Variants in TMEM117 observed in about 807,000 individuals in gnomAD.
The protein encoded by TMEM117 is transmembrane protein 117.
In TMEM117, 27 loss-of-function variants were observed where a neutral mutation model predicts 52.4. The observed-to-expected ratio is 0.51, with a 90% confidence interval of 0.38 to 0.71. The LOEUF (loss-of-function observed/expected upper bound fraction) is 0.71. Ranked by LOEUF, TMEM117 falls within the 30% of genes least tolerant of loss-of-function variation. The probability of loss-of-function intolerance (pLI) is 0.00; values close to 1 mark genes in which losing one functional copy is unlikely to be tolerated. For missense variants in TMEM117, 556 were observed against 630.5 expected, an observed-to-expected ratio of 0.88 and a Z score of 1.26; for synonymous variants, 215 against 206.3, an observed-to-expected ratio of 1.04 and a Z score of -0.36.
intron 3 of TMEM117, among the ~76,000 whole-genome samples, chr12:44,128,480 G>A (rs1247142822): frequency 6.6e-6 from 1 of 152,208 alleles, no homozygotes; most frequent in Non-Finnish European, 1.5e-5. Context: ...ACCTAGCACA[G>A]TTCCTGGCAT....
At chr12:44,296,398 A>T (rs1361340957) in intron 5 of TMEM117, among the ~76,000 whole-genome samples, 2 of 152,176 alleles carry the variant, frequency 1.3e-5, no homozygotes, top group African/African-American at 2.4e-5. Flanking sequence ...CCAGGGTCAC[A>T]GACAAATGTA....
At chr12:43,940,394 G>A (rs1945025081) in intron 2 of TMEM117, among the ~76,000 whole-genome samples, 1 of 152,172 alleles carries the variant, frequency 6.6e-6, no homozygotes, top group South Asian at 2.1e-4. Context: ...AAGTCTAGCA[G>A]TGAGGTAGAA....
At chr12:44,374,846 C>T (rs1432958889) in intron 6 of TMEM117, among the ~76,000 whole-genome samples, 1 of 152,098 alleles carries the variant, frequency 6.6e-6, no homozygotes, top group Non-Finnish European at 1.5e-5. Flanking sequence ...ACCAAGAAAT[C>T]TTCTCCTCCT....
chr12:44,125,009 G>A (rs889537171), intron 3 of TMEM117, among the ~76,000 whole-genome samples: 1 of 152,156 alleles, frequency 6.6e-6, no homozygotes, highest in African/African-American at 2.4e-5. Context: ...TGTACCTCTG[G>A]TAGAATTCAG....
At chr12:44,117,488 C>T (rs919200376) in intron 3 of TMEM117, among the ~76,000 whole-genome samples, 1 of 152,078 alleles carries the variant, frequency 6.6e-6, no homozygotes, top group Non-Finnish European at 1.5e-5. Context: ...CCAGAGTCTT[C>T]CCATTCTGTC....
rs59507806 is a variant in TMEM117, at chr12:44,289,225, T to TTGTGTG, written c.609-10319_609-10314dup. Among the ~76,000 whole-genome samples, 519 of 146,086 alleles carry TTGTGTG rather than the reference T, an allele frequency of 3.6e-3. 3 individuals carry two copies. The highest frequency in any genetic ancestry group is 6.3e-3 in the East Asian group (31 of 4,892). On this transcript the variant is annotated intron_variant, in intron 5 of 7. Transcript: ENST00000266534. ...TTTTAAGGCTGAATACTATCCCATT[T>TTGTGTG]TGTGTGTGTGTGTGTGTGTGTGTGT...
chr12:44,370,802 A>G (rs1371539611), intron 6 of TMEM117, among the ~76,000 whole-genome samples: 1 of 151,834 alleles, frequency 6.6e-6, no homozygotes, highest in African/African-American at 2.4e-5. Context: ...ACAGGTGGGG[A>G]TTGTTATATA....
At chr12:44,023,708 G>A (rs1324082754) in intron 3 of TMEM117, among the ~76,000 whole-genome samples, 1 of 149,706 alleles carries the variant, frequency 6.7e-6, no homozygotes, top group Non-Finnish European at 1.5e-5. Context: ...TGAGTTCATT[G>A]TAGATTCTGG....
intron 6 of TMEM117, among the ~76,000 whole-genome samples, chr12:44,334,862 T>A (rs1020750344): frequency 2.6e-5 from 4 of 151,956 alleles, no homozygotes; most frequent in Non-Finnish European, 4.4e-5. Context: ...CTCAACACTA[T>A]AAAAATCTTC....
intron 3 of TMEM117, chr12:44,083,489 C>G (rs959680841): frequency 4.0e-5 from 6 of 148,338 alleles, no homozygotes; most frequent in Non-Finnish European, 8.9e-5. Flanking sequence ...GCAACCTCCA[C>G]TTCCTGGGCT....
intron 2 of TMEM117, among the ~76,000 whole-genome samples, chr12:43,868,413 A>C (rs1943646332): frequency 6.6e-6 from 1 of 151,894 alleles, no homozygotes; most frequent in African/African-American, 2.4e-5. Flanking sequence ...AAAGCCAGGC[A>C]TGGTGGCCCG....
At chr12:44,196,107 A>G (rs1592597535) in intron 4 of TMEM117, among the ~76,000 whole-genome samples, 1 of 151,934 alleles carries the variant, frequency 6.6e-6, no homozygotes, top group East Asian at 1.9e-4. Flanking sequence ...AAAATAAAAG[A>G]AAGAATAAGT....
intron 4 of TMEM117, among the ~76,000 whole-genome samples, chr12:44,170,126 G>T (rs1329481854): frequency 6.6e-6 from 1 of 151,992 alleles, no homozygotes; most frequent in Non-Finnish European, 1.5e-5. Context: ...AAAAAAGGAT[G>T]CGTTCATGTC....
intron 3 of TMEM117, chr12:44,009,269 A>T (rs1160780451): frequency 3.6e-6 from 1 of 276,402 alleles, no homozygotes; most frequent in African/African-American, 2.3e-5. Context: ...TGTATTTCTG[A>T]TGCAGAAACC....
intron 6 of TMEM117, among the ~76,000 whole-genome samples, chr12:44,350,427 G>A (rs539380754): frequency 1.3e-5 from 2 of 151,972 alleles, no homozygotes; most frequent in African/African-American, 4.8e-5. Context: ...ATTTCAAAAG[G>A]TACAATTAAA....
intron 5 of TMEM117, among the ~76,000 whole-genome samples, chr12:44,218,785 A>G (rs1037062619): frequency 1.3e-5 from 2 of 152,218 alleles, no homozygotes; most frequent in Non-Finnish European, 2.9e-5. Flanking sequence ...TAGGGCAACT[A>G]TCATTCAGTG....
chr12:44,253,877 CCTT>C (rs1407253514), intron 5 of TMEM117, among the ~76,000 whole-genome samples: 1 of 148,478 alleles, frequency 6.7e-6, no homozygotes, highest in Admixed American at 6.7e-5. Flanking sequence ...CACACACACA[CCTT>C]CTCTCTCTCA....
intron 6 of TMEM117, among the ~76,000 whole-genome samples, chr12:44,347,093 G>A (rs1017856536): frequency 6.7e-5 from 10 of 150,276 alleles, no homozygotes; most frequent in African/African-American, 2.5e-4. Flanking sequence ...ACACACACAC[G>A]TAGAGCAAAT....
chr12:43,894,048 A>G (rs748736593), intron 2 of TMEM117, among the ~76,000 whole-genome samples: 1 of 152,220 alleles, frequency 6.6e-6, no homozygotes, highest in Non-Finnish European at 1.5e-5. Context: ...CTTAAAGGCC[A>G]GGTCTGGAAC....
Sources: allele counts gnomAD v4.1 joint callset (sites outside exome capture counted in the v4.1 genomes callset), GRCh38; gene constraint gnomAD v4.1.1; transcripts MANE v1.5; gene names NCBI Gene and HGNC (gene_info 2026-07-23, HGNC 2026-07-21).